Variants in ANXA10 observed in about 807,000 individuals in gnomAD.
ANXA10 encodes the protein annexin 14.
Under a neutral mutation model 53.5 loss-of-function variants are expected in ANXA10, and 49 were observed. That is an observed-to-expected ratio of 0.92 (90% CI 0.73 to 1.16). ANXA10 has a LOEUF of 1.16. ANXA10 is among the 50% of genes most tolerant of loss of function. The pLI is 0.00. For missense variants in ANXA10, 393 were observed against 394.4 expected (o/e 1.00, Z 0.03); for synonymous variants, 131 against 128.9 (o/e 1.02, Z -0.11).
In ANXA10 at chr4:168,187,372, G is replaced by A; in HGVS notation, c.913G>A (p.Ala305Thr). Residue 305 changes from alanine to threonine, a missense_variant, in exon 12 of 12, where the codon GCT (alanine) becomes ACT (threonine). Ala to Thr is a moderately conservative substitution (Grantham distance 58, BLOSUM62 0). Transcript: ENST00000359299. ...KSLFHDIRNF[A>T]SGHYKKALLA... ...ATTATATTTTTCTTTTCAGAATTTTGCTTCAGGGCATTATAAGAAAGCACT... is the reference window on the plus strand; with the variant it reads ...ATTATATTTTTCTTTTCAGAATTTTACTTCAGGGCATTATAAGAAAGCACT... 6.3e-7 allele frequency: 1 copy of A among 1,584,624 alleles called. No homozygotes were observed. The highest frequency in any genetic ancestry group is 8.6e-7 in the Non-Finnish European group (1 of 1,164,214).
intron 1 of ANXA10, among the ~76,000 whole-genome samples, chr4:168,104,616 G>T (rs1730690237): frequency 6.6e-6 from 1 of 151,810 alleles, no homozygotes; most frequent in African/African-American, 2.4e-5. Flanking sequence ...ATGAGTTTGG[G>T]TAATTTTAGT....
At chr4:168,105,449 ATTC>A (rs1286642077) in intron 1 of ANXA10, among the ~76,000 whole-genome samples, 3 of 151,920 alleles carry the variant, frequency 2.0e-5, no homozygotes, top group African/African-American at 4.8e-5. Flanking sequence ...ACACAATTTC[ATTC>A]TTCTTTATGG....
chr4:168,173,749 G>A lies in ANXA10; in HGVS notation c.481-3991G>A, dbSNP rs533735913. ...CAAGTCTCAGATAAATCCACAGACC[G>A]GATTGGGAACCCCTCTTCCCATGTG... On this transcript the variant is annotated intron_variant, in intron 6 of 11. Transcript: ENST00000359299. Among the ~76,000 whole-genome samples, 14 of 152,256 alleles carry A rather than the reference G, an allele frequency of 9.2e-5. No individual in the cohort carries two copies. In the East Asian group the frequency reaches 1.2e-3, roughly 13 times the overall value.
At chr4:168,173,062 T>A (rs1044780614) in intron 6 of ANXA10, among the ~76,000 whole-genome samples, 5 of 152,126 alleles carry the variant, frequency 3.3e-5, no homozygotes, top group African/African-American at 1.2e-4. Context: ...AGTGTTGGGA[T>A]TACAGGCATG....
intron 1 of ANXA10, among the ~76,000 whole-genome samples, chr4:168,104,286 A>T (rs75961722): frequency 4.7e-4 from 71 of 152,024 alleles, no homozygotes; most frequent in Admixed American, 9.2e-4. Context: ...ATATATTAGT[A>T]CATTGAATTT....
At chr4:168,094,263 T>C (rs1349400280) in intron 1 of ANXA10, among the ~76,000 whole-genome samples, 1 of 152,154 alleles carries the variant, frequency 6.6e-6, no homozygotes, top group Non-Finnish European at 1.5e-5. Context: ...TAAAGAAAAC[T>C]GAAGATTAAA....
At chr4:168,156,227 T>TTATATTATATATAATAGTA (rs1731669566) in intron 3 of ANXA10, among the ~76,000 whole-genome samples, 1 of 20,772 alleles carries the variant, frequency 4.8e-5, no homozygotes, top group Non-Finnish European at 9.0e-5. Flanking sequence ...GTAATATGTA[T>TTATATTATATATAATAGTA]TATATTATAT....
At chr4:168,095,835 GA>G (rs1399795899) in intron 1 of ANXA10, among the ~76,000 whole-genome samples, 2 of 151,894 alleles carry the variant, frequency 1.3e-5, no homozygotes, top group African/African-American at 4.8e-5. Context: ...CACACTGAGA[GA>G]AAAAAATGCC....
intron 1 of ANXA10, among the ~76,000 whole-genome samples, chr4:168,094,490 A>C (rs977670552): frequency 3.3e-5 from 5 of 152,166 alleles, no homozygotes; most frequent in African/African-American, 1.2e-4. Flanking sequence ...TTTGAGGCCA[A>C]GCTTATCTCT....
intron 1 of ANXA10, among the ~76,000 whole-genome samples, chr4:168,104,310 T>TG (rs1409504709): frequency 5.3e-5 from 8 of 151,906 alleles, no homozygotes; most frequent in African/African-American, 1.7e-4. Context: ...TGTATTATGT[T>TG]GGGCATATTT....
chr4:168,175,776 T>C (rs1426793685), intron 6 of ANXA10, among the ~76,000 whole-genome samples: 1 of 152,250 alleles, frequency 6.6e-6, no homozygotes, highest in Non-Finnish European at 1.5e-5. Context: ...CCATCAGTTG[T>C]TCACCTTTAG....
Position 168,155,890 on chromosome 4 carries a change from AAT to A in ANXA10, c.196-6633_196-6632del, listed in dbSNP as rs1491289927. On this transcript the variant is annotated intron_variant, in intron 3 of 11. Coordinates refer to ENST00000359299, the MANE Select transcript of ANXA10 (RefSeq NM_007193.5). ...ATATCATATATTATATGTTATATAT[AAT>A]ATATGATATATCATATATTATATTA... 4.1e-4 allele frequency among the ~76,000 whole-genome samples: 4 copies of A among 9,738 alleles called. 1 individual carries two copies. The highest frequency in any genetic ancestry group is 9.9e-4 in the African/African-American group (2 of 2,020). 6.4% of individuals were successfully genotyped at this position (9,738 alleles called of 152,430 possible).
chr4:168,166,810 A>C (rs1731889156), intron 6 of ANXA10, among the ~76,000 whole-genome samples: 1 of 152,174 alleles, frequency 6.6e-6, no homozygotes, highest in African/African-American at 2.4e-5. Flanking sequence ...AATTTTGTAC[A>C]TGGGAACATG....
chr4:168,158,850 G>A (rs878946046), intron 3 of ANXA10, among the ~76,000 whole-genome samples: 2 of 152,148 alleles, frequency 1.3e-5, no homozygotes, highest in Admixed American at 1.3e-4. Context: ...TCCAGTGCTG[G>A]AGGTGGGCCT....
intron 1 of ANXA10, among the ~76,000 whole-genome samples, chr4:168,098,974 G>A (rs989226920): frequency 1.3e-5 from 2 of 152,018 alleles, no homozygotes; most frequent in African/African-American, 2.4e-5. Flanking sequence ...GCAACAGAAT[G>A]TCTTCATGTA....
chr4:168,161,577 G>GT (rs1159754319), intron 3 of ANXA10, among the ~76,000 whole-genome samples: 10 of 151,940 alleles, frequency 6.6e-5, no homozygotes, highest in East Asian at 5.8e-4. Context: ...TTTTAAAATA[G>GT]TTTTTTTTCT....
At chr4:168,176,286 G>A (rs1030332590) in intron 6 of ANXA10, among the ~76,000 whole-genome samples, 1 of 152,160 alleles carries the variant, frequency 6.6e-6, no homozygotes, top group Non-Finnish European at 1.5e-5. Context: ...GCCAAGATAA[G>A]CCACTGATTT....
At chr4:168,126,482 G>T (rs1300950541) in intron 1 of ANXA10, among the ~76,000 whole-genome samples, 3 of 152,036 alleles carry the variant, frequency 2.0e-5, no homozygotes, top group Non-Finnish European at 4.4e-5. Flanking sequence ...TAGTAACCTT[G>T]TGGCTACCAC....
intron 6 of ANXA10, among the ~76,000 whole-genome samples, chr4:168,175,888 C>T (rs978066539): frequency 2.6e-5 from 4 of 152,152 alleles, no homozygotes; most frequent in African/African-American, 9.7e-5. Flanking sequence ...ATAAATTGCA[C>T]TTTCTCATAT....
Sources: gnomAD v4.1 joint callset for allele counts (sites outside exome capture counted in the v4.1 genomes callset) on GRCh38, gnomAD v4.1.1 for gene constraint, MANE v1.5 for transcripts, NCBI Gene and HGNC (gene_info 2026-07-23, HGNC 2026-07-21) for gene names.